VEGFC: variants seen among roughly 807,000 people sequenced by gnomAD.
The protein encoded by VEGFC is FLT4 ligand DHM.
VEGFC carries 12 observed loss-of-function variants against 46.1 expected under a neutral mutation model. The ratio of observed to expected loss-of-function variants is 0.26; its 90% CI spans 0.17 to 0.42. The LOEUF is 0.42. Ranked by LOEUF, VEGFC falls within the 10% of genes least tolerant of loss-of-function variation. The pLI, the probability that VEGFC is intolerant of heterozygous loss-of-function variation, is 1.00. For synonymous variants in VEGFC, 232 were observed against 195.5 expected, an observed-to-expected ratio of 1.19 and a Z score of -1.56; for missense variants, 488 against 529.4, an observed-to-expected ratio of 0.92 and a Z score of 0.77.
chr4:176,758,765 C>T (rs576297069), intron 1 of VEGFC, among the ~76,000 whole-genome samples: 1 of 152,198 alleles, frequency 6.6e-6, no homozygotes, highest in East Asian at 1.9e-4. Context: ...ATTCAAATAC[C>T]AGTCGTCATT....
intron 1 of VEGFC, among the ~76,000 whole-genome samples, chr4:176,744,576 ATTT>A (rs1735230243): frequency 6.6e-6 from 1 of 151,982 alleles, no homozygotes; most frequent in Non-Finnish European, 1.5e-5. Flanking sequence ...AGCAGAGGAG[ATTT>A]TGGCATCTCC....
chr4:176,719,294 GAA>G (rs951023667), intron 3 of VEGFC, among the ~76,000 whole-genome samples: 1 of 109,748 alleles, frequency 9.1e-6, no homozygotes, highest in Non-Finnish European at 1.9e-5. Context: ...TTAACAAAAC[GAA>G]AAGTCTTTTT....
intron 1 of VEGFC, among the ~76,000 whole-genome samples, chr4:176,730,469 A>T (rs1323285380): frequency 6.6e-6 from 1 of 152,126 alleles, no homozygotes; most frequent in Non-Finnish European, 1.5e-5. Flanking sequence ...ATTTTTTTCT[A>T]ATTATGCTTT....
intron 1 of VEGFC, among the ~76,000 whole-genome samples, chr4:176,785,609 C>G (rs1045380663): frequency 2.7e-5 from 4 of 149,760 alleles, no homozygotes; most frequent in Non-Finnish European, 5.9e-5. Flanking sequence ...CAGGAATTTC[C>G]AGGACACTTT....
rs1734066259 is a variant in VEGFC at position 176,687,518 on chromosome 4, A to C, written c.814T>G (p.Ser272Ala). 6.3e-7 allele frequency: 1 copy of C among 1,583,304 alleles called. No homozygotes were observed. ...CAGATGTCATGGAATCCATCTGTTG[A>C]GTCTAGACAAATAGTCAGAGAATCT... is the stretch of plus-strand genomic sequence containing the variant. ...FMFSSDAGDD[S>A]TDGFHDICGP... The change falls in exon 6 of 7, where the codon TCA becomes GCA. Residue 272 changes from serine (S) to alanine (A), a missense_variant and splice_region_variant. Coordinates refer to ENST00000618562, the MANE Select transcript of VEGFC (RefSeq NM_005429.5).
At chr4:176,764,654 G>T (rs1437862844) in intron 1 of VEGFC, among the ~76,000 whole-genome samples, 3 of 152,144 alleles carry the variant, frequency 2.0e-5, no homozygotes, top group African/African-American at 7.2e-5. Context: ...CCCAAGGAAA[G>T]TGGGTAGGCC....
chr4:176,760,266 G>A (rs1229700847), intron 1 of VEGFC, among the ~76,000 whole-genome samples: 1 of 152,056 alleles, frequency 6.6e-6, no homozygotes, highest in Non-Finnish European at 1.5e-5. Context: ...TACCTACAAA[G>A]ATCTTAAAGT....
intron 4 of VEGFC, among the ~76,000 whole-genome samples, chr4:176,689,830 A>C (rs1301667351): frequency 6.6e-6 from 1 of 152,258 alleles, no homozygotes; most frequent in Non-Finnish European, 1.5e-5. Context: ...TAGCAACATC[A>C]ATAATTGCTG....
chr4:176,757,939 C>T (rs984911648), intron 1 of VEGFC, among the ~76,000 whole-genome samples: 2 of 151,936 alleles, frequency 1.3e-5, no homozygotes, highest in Non-Finnish European at 2.9e-5. Flanking sequence ...TGACTTAATC[C>T]CCATAAAAGT....
intron 4 of VEGFC, among the ~76,000 whole-genome samples, chr4:176,688,573 C>G (rs765553898): frequency 2.2e-5 from 3 of 133,626 alleles, no homozygotes; most frequent in Non-Finnish European, 1.6e-5. Flanking sequence ...TGTTCTAGCT[C>G]TTTACTTCCT....
At chr4:176,776,644 T>C (rs190129708) in intron 1 of VEGFC, among the ~76,000 whole-genome samples, 1 of 152,302 alleles carries the variant, frequency 6.6e-6, no homozygotes, top group African/African-American at 2.4e-5. Context: ...GAGAAGAATA[T>C]GGGTCAGAAA....
chr4:176,700,653 T>C (rs544842567), intron 4 of VEGFC, among the ~76,000 whole-genome samples: 1 of 152,254 alleles, frequency 6.6e-6, no homozygotes, highest in East Asian at 1.9e-4. Context: ...AATTTTCTGC[T>C]CTACTATTTT....
At chr4:176,714,479 G>A (rs1382322371) in intron 3 of VEGFC, among the ~76,000 whole-genome samples, 1 of 152,142 alleles carries the variant, frequency 6.6e-6, no homozygotes, top group African/African-American at 2.4e-5. Flanking sequence ...CCCAGTCTTA[G>A]GTATTCCTTT....
intron 1 of VEGFC, among the ~76,000 whole-genome samples, chr4:176,732,363 T>C (rs922504921): frequency 6.6e-6 from 1 of 151,926 alleles, no homozygotes; most frequent in African/African-American, 2.4e-5. Flanking sequence ...TTTAACAAAT[T>C]AGCACCTGAA....
chr4:176,775,290 CATAA>C (rs2110934224), intron 1 of VEGFC, among the ~76,000 whole-genome samples: 1 of 152,192 alleles, frequency 6.6e-6, no homozygotes, highest in East Asian at 1.9e-4. Context: ...ATGTTGTGTT[CATAA>C]ATAAACTATT....
chr4:176,714,123 C>T (rs1430711355), intron 3 of VEGFC, among the ~76,000 whole-genome samples: 1 of 152,158 alleles, frequency 6.6e-6, no homozygotes, highest in Non-Finnish European at 1.5e-5. Context: ...ATCTGTGTCT[C>T]CTCCAAATCT....
intron 3 of VEGFC, among the ~76,000 whole-genome samples, chr4:176,723,913 T>C (rs1364184915): frequency 6.6e-6 from 1 of 151,332 alleles, no homozygotes; most frequent in Non-Finnish European, 1.5e-5. Context: ...TGGGGGTCCA[T>C]GTGCAGGTTT....
At chr4:176,725,702 G>A (rs923347534) in intron 3 of VEGFC, among the ~76,000 whole-genome samples, 1 of 151,668 alleles carries the variant, frequency 6.6e-6, no homozygotes, top group Admixed American at 6.6e-5. Context: ...AATCATTAAC[G>A]GCATTCCAAA....
At chr4:176,790,920 T>G (rs1376917177) in intron 1 of VEGFC, among the ~76,000 whole-genome samples, 1 of 152,196 alleles carries the variant, frequency 6.6e-6, no homozygotes, top group Non-Finnish European at 1.5e-5. Flanking sequence ...CTGTTCTATT[T>G]CATGTATATT....
Sources: gnomAD v4.1 joint callset for allele counts (sites outside exome capture counted in the v4.1 genomes callset) on GRCh38, gnomAD v4.1.1 for gene constraint, MANE v1.5 for transcripts, NCBI Gene and HGNC (gene_info 2026-07-23, HGNC 2026-07-21) for gene names.